The following ST8SIA6 variants were observed in gnomAD, a reference collection of about 807,000 sequenced individuals.
ST8SIA6 encodes the protein ST8 alpha-N-acetyl-neuraminide alpha-2,8-sialyltransferase 6, also known as alpha-2,8-sialyltransferase 8F.
ST8SIA6 carries 39 observed loss-of-function variants against 33.6 expected under a neutral mutation model. That is an observed-to-expected ratio of 1.16 (90% CI 0.90 to 1.52). The LOEUF (loss-of-function observed/expected upper bound fraction) is 1.52. Ranked by LOEUF, ST8SIA6 falls within the 40% of genes most tolerant of loss-of-function variation. The pLI is 0.00. For missense variants in ST8SIA6, 441 were observed against 443.8 expected (o/e 0.99, Z 0.06); for synonymous variants, 172 against 167.2 (o/e 1.03, Z -0.22).
At chr10:17,344,470 G>A (rs1368144058) in intron 4 of ST8SIA6, among the ~76,000 whole-genome samples, 6 of 152,102 alleles carry the variant, frequency 3.9e-5, no homozygotes, top group South Asian at 4.1e-4. Flanking sequence ...TAAAACCATC[G>A]GATCTCATGA....
intron 2 of ST8SIA6, among the ~76,000 whole-genome samples, chr10:17,400,168 G>A (rs768979823): frequency 2.0e-5 from 3 of 152,078 alleles, no homozygotes; most frequent in Admixed American, 6.6e-5. Flanking sequence ...GAATTATTTT[G>A]CATTGCTATC....
At chr10:17,368,716 T>A (rs769915254) in intron 3 of ST8SIA6, among the ~76,000 whole-genome samples, 4 of 151,990 alleles carry the variant, frequency 2.6e-5, no homozygotes, top group Non-Finnish European at 5.9e-5. Flanking sequence ...TGTGCAAATA[T>A]AAGGGGGTGG....
chr10:17,331,630 C>T (rs759206518), intron 4 of ST8SIA6, 78 bp from the exon 5 acceptor site: 9 of 1,398,288 alleles, frequency 6.4e-6, no homozygotes, highest in Non-Finnish European at 7.6e-6. Flanking sequence ...TGGACAATGC[C>T]GAAGAGGATT....
chr10:17,325,766 C>A (rs1028339501), intron 6 of ST8SIA6, among the ~76,000 whole-genome samples: 4 of 152,070 alleles, frequency 2.6e-5, no homozygotes, highest in African/African-American at 9.7e-5. Flanking sequence ...ATTCTATATT[C>A]GGGAAAATAC....
intron 2 of ST8SIA6, among the ~76,000 whole-genome samples, chr10:17,427,100 T>C (rs954904463): frequency 9.4e-6 from 1 of 106,284 alleles, no homozygotes; most frequent in African/African-American, 4.5e-5. Context: ...CAAGACTGTG[T>C]CTGAAAAAAA....
At chr10:17,414,755 C>T (rs1242683621) in intron 2 of ST8SIA6, among the ~76,000 whole-genome samples, 2 of 152,108 alleles carry the variant, frequency 1.3e-5, no homozygotes, top group Non-Finnish European at 2.9e-5. Flanking sequence ...TAAGGGGTAG[C>T]TCTATGACCT....
At chr10:17,330,153 T>G (rs1848249573) in intron 5 of ST8SIA6, among the ~76,000 whole-genome samples, 1 of 152,046 alleles carries the variant, frequency 6.6e-6, no homozygotes, top group African/African-American at 2.4e-5. Flanking sequence ...AAAAAGAAAA[T>G]CAGTATAAAT....
At chr10:17,326,600 A>C (rs1264559896) in intron 6 of ST8SIA6, among the ~76,000 whole-genome samples, 1 of 152,198 alleles carries the variant, frequency 6.6e-6, no homozygotes, top group Non-Finnish European at 1.5e-5. Flanking sequence ...ATTGTCTAAG[A>C]ACAAAACATC....
intron 1 of ST8SIA6, 42 bp from the exon 2 acceptor site, chr10:17,453,699 G>T: frequency 8.0e-7 from 1 of 1,250,248 alleles, no homozygotes; most frequent in Non-Finnish European, 1.0e-6. Flanking sequence ...ACACCCCGCC[G>T]GGAGCTGTTG....
chr10:17,331,368 G>T, intron 5 of ST8SIA6, 40 bp downstream of exon 5: 2 of 1,564,778 alleles, frequency 1.3e-6, no homozygotes, highest in South Asian at 1.2e-5. Context: ...AATTCACCTG[G>T]AATGGTAACA....
rs1012321677 is a variant in ST8SIA6, at chr10:17,320,624, C to A, written c.*254G>T. ...TTGAGTCCCTACCTCACACCAAAGGCCATGCCAATAATTTTCATAAATTAT... is the reference window on the plus strand; with the variant it reads ...TTGAGTCCCTACCTCACACCAAAGGACATGCCAATAATTTTCATAAATTAT... On this transcript the variant is annotated 3_prime_UTR_variant, in exon 8 of 8. Coordinates refer to ENST00000377602, the MANE Select transcript of ST8SIA6 (RefSeq NM_001004470.3). 40 of 472,728 alleles carry A rather than the reference C, an allele frequency of 8.5e-5. No individual in the cohort carries two copies. The highest frequency in any genetic ancestry group is 5.8e-4 in the Middle Eastern group (1 of 1,712). The allele number at this position is 472,728 out of a possible 1,614,324, so 29.3% of individuals were successfully genotyped here.
chr10:17,402,037 A>G (rs1851061316), intron 2 of ST8SIA6, among the ~76,000 whole-genome samples: 1 of 152,228 alleles, frequency 6.6e-6, no homozygotes, highest in Admixed American at 6.5e-5. Flanking sequence ...TACTCATCTG[A>G]CACAGGGCTA....
chr10:17,383,466 T>C (rs901158999), intron 3 of ST8SIA6, among the ~76,000 whole-genome samples: 1 of 152,238 alleles, frequency 6.6e-6, no homozygotes, highest in African/African-American at 2.4e-5. Flanking sequence ...AATTCTGATA[T>C]ACCTTAGTGT....
intron 2 of ST8SIA6, among the ~76,000 whole-genome samples, chr10:17,400,898 C>G (rs1255334780): frequency 1.3e-5 from 2 of 152,200 alleles, no homozygotes. Context: ...TTCACCACTC[C>G]TATTCAACAA....
At chr10:17,394,604 G>C (rs7922175) in intron 2 of ST8SIA6, among the ~76,000 whole-genome samples, 54 of 152,202 alleles carry the variant, frequency 3.5e-4, no homozygotes, top group African/African-American at 1.3e-3. Flanking sequence ...CTTTGCTTCT[G>C]TACCTTCCCT....
chr10:17,389,694 G>A (rs185264870), intron 3 of ST8SIA6, among the ~76,000 whole-genome samples: 1 of 152,262 alleles, frequency 6.6e-6, no homozygotes, highest in East Asian at 1.9e-4. Flanking sequence ...TCACCTGGCT[G>A]AAATTGTAAG....
At chr10:17,450,723 T>C (rs1852877464) in intron 2 of ST8SIA6, among the ~76,000 whole-genome samples, 1 of 152,222 alleles carries the variant, frequency 6.6e-6, no homozygotes, top group African/African-American at 2.4e-5. Context: ...ATTACAGGCT[T>C]GAGCCTCCGT....
chr10:17,323,102 T>G lies in ST8SIA6; in HGVS notation c.691A>C (p.Asn231His), dbSNP rs1181438557. 5 of 1,613,742 alleles carry G rather than the reference T, an allele frequency of 3.1e-6. No individual in the cohort carries two copies. In the African/African-American group the frequency reaches 5.3e-5, roughly 17 times the overall value. ...ATGCTTGGATTTATAGTCACAAGATTTGTTTTACTGCCAACATCTTTACTA... is the reference window on the plus strand; with the variant it reads ...ATGCTTGGATTTATAGTCACAAGATGTGTTTTACTGCCAACATCTTTACTA... ...DVSKDVGSKT[N>H]LVTINPSIIT... Residue 231 changes from asparagine (N) to histidine (H), a missense_variant, in exon 7 of 8, where the codon AAT (asparagine) becomes CAT (histidine). Physicochemically the swap from Asn to His is moderately conservative, Grantham distance 68. Transcript: ENST00000377602.
intron 2 of ST8SIA6, among the ~76,000 whole-genome samples, chr10:17,410,854 A>T (rs1851424165): frequency 6.6e-6 from 1 of 152,210 alleles, no homozygotes; most frequent in African/African-American, 2.4e-5. Flanking sequence ...AGATTTTACC[A>T]TATTTAAAAT....
Sources: allele counts gnomAD v4.1 joint callset (sites outside exome capture counted in the v4.1 genomes callset), GRCh38; gene constraint gnomAD v4.1.1; transcripts MANE v1.5; gene names NCBI Gene and HGNC (gene_info 2026-07-23, HGNC 2026-07-21).